EPB41L3: variants seen among roughly 807,000 people sequenced by gnomAD.
The protein encoded by EPB41L3 is band 4.1-like protein 3.
A neutral mutation model predicts 127.1 loss-of-function variants in EPB41L3; 57 were observed. The observed-to-expected ratio is 0.45, with a 90% CI of 0.36 to 0.56. The LOEUF (loss-of-function observed/expected upper bound fraction) is 0.56, where lower values mean the gene tolerates loss of function less well. Among genes scored for constraint, EPB41L3 ranks in the 20% least tolerant of loss-of-function variants. The pLI, the probability that EPB41L3 is intolerant of heterozygous loss-of-function variation, is 0.00. For missense variants in EPB41L3, 1,273 were observed against 1,372.2 expected (o/e 0.93, Z 1.14); for synonymous variants, 572 against 549.5 (o/e 1.04, Z -0.57).
chr18:5,461,813 A>C (rs572282025), intron 3 of EPB41L3, among the ~76,000 whole-genome samples: 1 of 152,336 alleles, frequency 6.6e-6, no homozygotes, highest in Non-Finnish European at 1.5e-5. Context: ...TATTTGTTCC[A>C]ACAAAAAACT....
chr18:5,441,591 G>A (rs543001212), intron 5 of EPB41L3, among the ~76,000 whole-genome samples: 19 of 151,114 alleles, frequency 1.3e-4, no homozygotes, highest in South Asian at 2.1e-4. Context: ...TCAGCCTCCC[G>A]AGTAGCTGGG....
intron 3 of EPB41L3, among the ~76,000 whole-genome samples, chr18:5,448,639 A>C (rs935593896): frequency 6.6e-6 from 1 of 152,332 alleles, no homozygotes. Flanking sequence ...TTCTAAACTA[A>C]TGAATAATTA....
At chr18:5,454,105 C>T (rs1416420284) in intron 3 of EPB41L3, among the ~76,000 whole-genome samples, 3 of 152,118 alleles carry the variant, frequency 2.0e-5, no homozygotes, top group Non-Finnish European at 4.4e-5. Flanking sequence ...GTGTAAGTCA[C>T]CTTTCCTGGG....
chr18:5,441,665 C>G (rs990559866), intron 5 of EPB41L3, among the ~76,000 whole-genome samples: 2 of 151,994 alleles, frequency 1.3e-5, no homozygotes, highest in Non-Finnish European at 2.9e-5. Context: ...GGGGTTTCAC[C>G]GTGTCAGCCA....
intron 1 of EPB41L3, among the ~76,000 whole-genome samples, chr18:5,624,296 C>T (rs950292302): frequency 5.3e-5 from 8 of 152,328 alleles, no homozygotes; most frequent in African/African-American, 1.2e-4. Flanking sequence ...TGTCTGGCCT[C>T]GCTCATGTAT....
rs775465251 is a variant in EPB41L3, at chr18:5,394,769, C to A, written c.3178G>T (p.Ala1060Ser). The stretch of plus-strand genomic sequence containing the variant: ...GACATGTCAGGGTGCTGCTCTTTGG[C>A]CTCTTTAATTGCCTGAGCCAGCGCC... Reference protein sequence around the residue: ...DQALAQAIKEAKEQHPDMSVT... With the variant: ...DQALAQAIKESKEQHPDMSVT... Residue 1060 changes from alanine to serine, a missense_variant, in exon 22 of 23, where the codon GCC becomes TCC. This residue lies in a region of EPB41L3 where 765 missense variants were observed against 782.9 expected (regional missense o/e 0.98). Coordinates refer to ENST00000341928, the MANE Select transcript of EPB41L3 (RefSeq NM_012307.5). 6.2e-7 allele frequency: 1 copy of A among 1,614,030 alleles called. No homozygotes were observed. Among genetic ancestry groups the A allele is most frequent in the Non-Finnish European group, 8.5e-7 (1 of 1,180,028 alleles).
intron 1 of EPB41L3, among the ~76,000 whole-genome samples, chr18:5,524,674 G>A (rs375267893): frequency 2.0e-5 from 3 of 152,266 alleles, no homozygotes; most frequent in East Asian, 1.9e-4. Flanking sequence ...CTTGCTCTCC[G>A]GGCCAAGCAA....
chr18:5,401,180 T>A, intron 16 of EPB41L3: 1 of 448,516 alleles, frequency 2.2e-6, no homozygotes, highest in Non-Finnish European at 3.9e-6. Context: ...TTCATTCATT[T>A]TCTTCCTGAA....
chr18:5,614,056 A>G (rs2094762622), intron 2 of EPB41L3, among the ~76,000 whole-genome samples: 1 of 152,210 alleles, frequency 6.6e-6, no homozygotes, highest in African/African-American at 2.4e-5. Flanking sequence ...CACACAGCAG[A>G]AGGGCAAATG....
intron 3 of EPB41L3, among the ~76,000 whole-genome samples, chr18:5,570,585 A>C (rs540524897): frequency 2.0e-4 from 30 of 148,134 alleles, no homozygotes; most frequent in South Asian, 8.3e-4. Context: ...CTTTTCTTTT[A>C]TTTTATTTTA....
chr18:5,430,496 T>A (rs1185459998), intron 8 of EPB41L3, among the ~76,000 whole-genome samples: 7 of 151,888 alleles, frequency 4.6e-5, no homozygotes, highest in African/African-American at 1.7e-4. Context: ...CAAAAAAAAA[T>A]GATACTTTTC....
chr18:5,498,603 A>AAAAAAAG (rs1555765798), intron 1 of EPB41L3, among the ~76,000 whole-genome samples: 5 of 149,526 alleles, frequency 3.3e-5, no homozygotes, highest in African/African-American at 4.9e-5. Context: ...TCAAAAAAAA[A>AAAAAAAG]AAAAAAAAGA....
intron 3 of EPB41L3, among the ~76,000 whole-genome samples, chr18:5,477,141 G>A (rs1487337861): frequency 6.6e-6 from 1 of 152,120 alleles, no homozygotes; most frequent in South Asian, 2.1e-4. Flanking sequence ...AAAAACACTG[G>A]GTGCATGAGC....
chr18:5,412,516 G>A (rs1423040786), intron 13 of EPB41L3, among the ~76,000 whole-genome samples: 5 of 152,152 alleles, frequency 3.3e-5, no homozygotes, highest in South Asian at 4.1e-4. Flanking sequence ...GTAAGCCACC[G>A]CGCGCCCAGC....
chr18:5,504,913 T>C (rs930707764), intron 1 of EPB41L3, among the ~76,000 whole-genome samples: 2 of 152,118 alleles, frequency 1.3e-5, no homozygotes, highest in Admixed American at 1.3e-4. Flanking sequence ...CCAGTGCCCT[T>C]GAACGTGCTG....
chr18:5,393,660 A>G, intron 22 of EPB41L3, 182 bp from the exon 23 acceptor site: 1 of 472,556 alleles, frequency 2.1e-6, no homozygotes, highest in Admixed American at 4.1e-5. Context: ...ACAACGCCCA[A>G]GTGGCTGAAG....
At chr18:5,464,131 G>C (rs566362406) in intron 3 of EPB41L3, among the ~76,000 whole-genome samples, 2 of 152,244 alleles carry the variant, frequency 1.3e-5, no homozygotes, top group South Asian at 4.1e-4. Flanking sequence ...AAAGTGCTAA[G>C]CAATGTTACA....
chr18:5,574,145 C>T (rs940513244), intron 3 of EPB41L3, among the ~76,000 whole-genome samples: 6 of 151,884 alleles, frequency 4.0e-5, no homozygotes, highest in African/African-American at 1.5e-4. Context: ...GTCAAAATTC[C>T]CTCTCTATTC....
intron 1 of EPB41L3, among the ~76,000 whole-genome samples, chr18:5,625,210 A>G (rs112447255): frequency 1.2e-4 from 19 of 152,190 alleles, no homozygotes; most frequent in African/African-American, 4.6e-4. Flanking sequence ...GAGCACTGTA[A>G]AAGAACTGAA....
Sources: gnomAD v4.1 joint callset for allele counts (sites outside exome capture counted in the v4.1 genomes callset) on GRCh38, gnomAD v4.1.1 for gene constraint, gnomAD v4.1.1 regional missense constraint, MANE v1.5 for transcripts, NCBI Gene and HGNC (gene_info 2026-07-23, HGNC 2026-07-21) for gene names.